The following TKT variants were observed in gnomAD, a reference collection of about 807,000 sequenced individuals.
TKT encodes transketolase.
A neutral mutation model predicts 63.9 loss-of-function variants in TKT; 47 were observed. The ratio of observed to expected loss-of-function variants is 0.74; its 90% CI spans 0.58 to 0.94. The LOEUF is 0.94. TKT is among the 40% of genes least tolerant of loss of function. The probability of loss-of-function intolerance (pLI) is 0.00; values close to 1 mark genes in which losing one functional copy is unlikely to be tolerated. For synonymous variants in TKT, 338 were observed against 334.1 expected (o/e 1.01, Z -0.13); for missense variants, 721 against 846.2 (o/e 0.85, Z 1.84).
Position 53,240,312 on chromosome 3 carries a change from C to T in TKT, c.376G>A (p.Gly126Ser), listed in dbSNP as rs1705218252. The change falls in exon 4 of 14, where the codon GGC (glycine) becomes AGC (serine). Residue 126 changes from glycine to serine, a missense_variant. By Grantham distance (56) the Gly-to-Ser change is moderately conservative. Transcript: ENST00000462138. ...AFTDVATGSL[G>S]QGLGAACGMA... ...CCACAAGCGGCCCCGAGGCCCTGGC[C>T]CAGGGAGCCAGTGGCCACGTCGGTG... 1 of 1,612,920 alleles carries T rather than the reference C, an allele frequency of 6.2e-7. No homozygotes were observed. Among genetic ancestry groups the T allele is most frequent in the Admixed American group, 1.7e-5 (1 of 59,952 alleles).
At chr3:53,237,973 C>G (rs782150786) in intron 4 of TKT, 1 of 152,132 alleles carries the variant, frequency 6.6e-6, no homozygotes, top group Non-Finnish European at 1.5e-5. Context: ...TTCTTAATAT[C>G]ATTCTGTACT....
intron 6 of TKT, chr3:53,232,505 CCT>C (rs1381036532): frequency 8.0e-5 from 32 of 398,670 alleles, no homozygotes; most frequent in African/African-American, 6.2e-4. Flanking sequence ...CCATAGACTT[CCT>C]CTGTCCCCGG....
At chr3:53,249,367 A>T (rs1553681357) in intron 1 of TKT, among the ~76,000 whole-genome samples, 1 of 151,932 alleles carries the variant, frequency 6.6e-6, no homozygotes, top group Non-Finnish European at 1.5e-5. Context: ...GGATCACCTG[A>T]GGTCAGGAAT....
intron 1 of TKT, among the ~76,000 whole-genome samples, chr3:53,249,324 T>A (rs1204594906): frequency 6.6e-6 from 1 of 150,420 alleles, no homozygotes; most frequent in African/African-American, 2.4e-5. Flanking sequence ...ACGCCTGTAA[T>A]CCCAACACTT....
chr3:53,246,427 G>C (rs1452846213), intron 1 of TKT, among the ~76,000 whole-genome samples: 1 of 152,198 alleles, frequency 6.6e-6, no homozygotes, highest in Non-Finnish European at 1.5e-5. Context: ...CAGTAAGAAT[G>C]AGCGAGCTAC....
intron 4 of TKT, among the ~76,000 whole-genome samples, chr3:53,239,067 A>G (rs1705158079): frequency 6.6e-6 from 1 of 152,184 alleles, no homozygotes; most frequent in Admixed American, 6.5e-5. Flanking sequence ...GTGATGGTGA[A>G]TAAGTCTCAC....
intron 4 of TKT, among the ~76,000 whole-genome samples, chr3:53,238,679 C>T (rs782292401): frequency 5.3e-5 from 8 of 152,364 alleles, no homozygotes; most frequent in South Asian, 2.1e-4. Context: ...GGAGGCTTCC[C>T]GCCCACAGGA....
intron 6 of TKT, chr3:53,232,498 T>TA (rs1704811181): frequency 5.0e-6 from 2 of 398,782 alleles, no homozygotes; most frequent in Non-Finnish European, 8.8e-6. Context: ...CCTCGTGCCA[T>TA]AGACTTCCTC....
intron 5 of TKT, chr3:53,234,674 C>T (rs1178740013): frequency 4.0e-6 from 1 of 248,668 alleles, no homozygotes; most frequent in African/African-American, 2.2e-5. Flanking sequence ...AAGCCCCCAT[C>T]CCTCAAGAAC....
chr3:53,241,705 A>G (rs989521892), intron 2 of TKT, among the ~76,000 whole-genome samples: 3 of 152,150 alleles, frequency 2.0e-5, no homozygotes, highest in Non-Finnish European at 4.4e-5. Context: ...AAACCCTGCT[A>G]CAGCACACCA....
intron 10 of TKT, 146 bp from the exon 11 acceptor site, chr3:53,228,505 C>T: frequency 1.2e-6 from 1 of 863,190 alleles, no homozygotes; most frequent in Non-Finnish European, 1.8e-6. Context: ...GCCTTGCTTG[C>T]CCTCTGCCGC....
intron 7 of TKT, 51 bp from the exon 8 acceptor site, chr3:53,230,672 C>T (rs1553676826): frequency 1.2e-6 from 2 of 1,601,224 alleles, no homozygotes; most frequent in Admixed American, 1.7e-5. Flanking sequence ...GGTGAGTGCA[C>T]ACCTGCAGCC....
chr3:53,226,096 T>A, intron 13 of TKT, 165 bp from the exon 14 acceptor site: 2 of 600,552 alleles, frequency 3.3e-6, no homozygotes, highest in Non-Finnish European at 5.4e-6. Context: ...TTTTTTATTT[T>A]AAAGAGACAG....
chr3:53,231,766 G>T, intron 6 of TKT: 1 of 561,772 alleles, frequency 1.8e-6, no homozygotes, highest in Non-Finnish European at 3.1e-6. Flanking sequence ...ACTGTCTACT[G>T]CCTGGTCCTT....
At chr3:53,248,296 T>A (rs1404127220) in intron 1 of TKT, among the ~76,000 whole-genome samples, 1 of 152,096 alleles carries the variant, frequency 6.6e-6, no homozygotes, top group Non-Finnish European at 1.5e-5. Context: ...AACTGGTGAA[T>A]GGATAAACAA....
At position 53,230,458 on chromosome 3, in the gene TKT, A is replaced by G; in HGVS notation, c.1106T>C (p.Met369Thr). Reference protein sequence around the residue: ...FIECYIAEQNMVSIAVGCATR... With the variant: ...FIECYIAEQNTVSIAVGCATR... ...GTCCCTGCCGGCCCCAGCACCTACC[A>G]TGTTCTGCTCAGCAATGTAGCACTC... is the stretch of plus-strand genomic sequence containing the variant. The change falls in exon 8 of 14, where the codon ATG (methionine) becomes ACG (threonine). Residue 369 changes from methionine (M) to threonine (T), a missense_variant and splice_region_variant. Transcript: ENST00000462138. The G allele has an allele frequency of 1.9e-6, 3 of 1,614,088 alleles. No individual in the cohort carries two copies. Among genetic ancestry groups the G allele is most frequent in the Middle Eastern group, 1.7e-4 (1 of 6,060 alleles).
intron 1 of TKT, chr3:53,243,460 C>A: frequency 2.6e-6 from 1 of 389,728 alleles, no homozygotes; most frequent in Non-Finnish European, 5.2e-6. Flanking sequence ...CTCCAATCAG[C>A]GCTCCCACCA....
At chr3:53,230,750 G>A (rs1704718724) in intron 7 of TKT, 129 bp from the exon 8 acceptor site, 2 of 1,141,370 alleles carry the variant, frequency 1.8e-6, no homozygotes, top group African/African-American at 3.1e-5. Flanking sequence ...ACAAGGTCCT[G>A]CAGAGGCTTT....
intron 1 of TKT, among the ~76,000 whole-genome samples, chr3:53,246,807 C>T (rs1266223895): frequency 6.6e-6 from 1 of 150,586 alleles, no homozygotes; most frequent in Non-Finnish European, 1.5e-5. Flanking sequence ...GCCGAGATGG[C>T]GCCATTGCAC....
Sources: gnomAD v4.1 joint callset for allele counts (sites outside exome capture counted in the v4.1 genomes callset) on GRCh38, gnomAD v4.1.1 for gene constraint, MANE v1.5 for transcripts, NCBI Gene and HGNC (gene_info 2026-07-23, HGNC 2026-07-21) for gene names.